UIMC1: variants seen among roughly 807,000 people sequenced by gnomAD.
UIMC1 encodes the protein BRCA1-A complex subunit RAP80.
Under a neutral mutation model 84.9 loss-of-function variants are expected in UIMC1, and 42 were observed. The observed-to-expected ratio is 0.49, with a 90% CI of 0.39 to 0.64. UIMC1 has a LOEUF of 0.64. Among genes scored for constraint, UIMC1 ranks in the 30% least tolerant of loss-of-function variants. The probability of loss-of-function intolerance (pLI) is 0.00; values close to 1 mark genes in which losing one functional copy is unlikely to be tolerated. For synonymous variants in UIMC1, 281 were observed against 293.0 expected (o/e 0.96, Z 0.42); for missense variants, 825 against 847.6 (o/e 0.97, Z 0.33).
At chr5:176,959,738 T>C (rs1323031565) in intron 6 of UIMC1, among the ~76,000 whole-genome samples, 1 of 118,110 alleles carries the variant, frequency 8.5e-6, no homozygotes, top group Non-Finnish European at 1.7e-5. Flanking sequence ...AAAAAAAAAA[T>C]TATTGTGCTT....
intron 9 of UIMC1, among the ~76,000 whole-genome samples, chr5:176,949,076 C>G (rs879660019): frequency 1.3e-5 from 2 of 151,502 alleles, no homozygotes; most frequent in Non-Finnish European, 2.9e-5. Context: ...AGTTAAAACT[C>G]CAGTTTTCCC....
At position 176,922,931 on chromosome 5, in the gene UIMC1, G is replaced by T. The variant is rs1460864122; in HGVS notation, c.1598-11542C>A. Among the ~76,000 whole-genome samples, 5 of 152,174 alleles carry T rather than the reference G, an allele frequency of 3.3e-5. No homozygotes were observed. In the East Asian group the frequency reaches 9.6e-4, roughly 29 times the overall value. On this transcript the variant is annotated intron_variant, in intron 10 of 14. Transcript: ENST00000511320. The stretch of plus-strand genomic sequence containing the variant: ...AAAATCGCTACATTTTGAGTAGGCA[G>T]GGGGCCTCTGTGGCTTTTTTGCAGC...
At chr5:176,919,706 T>C (rs1761461290) in intron 10 of UIMC1, among the ~76,000 whole-genome samples, 1 of 152,300 alleles carries the variant, frequency 6.6e-6, no homozygotes, top group Admixed American at 6.5e-5. Context: ...GTTTTGCAAG[T>C]GGATATTCAG....
At chr5:176,944,261 G>C (rs891333090) in intron 9 of UIMC1, among the ~76,000 whole-genome samples, 1 of 152,204 alleles carries the variant, frequency 6.6e-6, no homozygotes, top group Admixed American at 6.5e-5. Flanking sequence ...TACTTAAGAA[G>C]CACCAAATAA....
chr5:177,011,286 TC>T (rs1775544039), upstream of UIMC1, among the ~76,000 whole-genome samples: 1 of 152,094 alleles, frequency 6.6e-6, no homozygotes, highest in East Asian at 1.9e-4. Flanking sequence ...ATACCAGTAG[TC>T]CCAGCTACTC....
intron 1 of UIMC1, among the ~76,000 whole-genome samples, chr5:177,014,876 T>C (rs1322022319): frequency 1.3e-5 from 2 of 152,146 alleles, no homozygotes; most frequent in African/African-American, 2.4e-5. Flanking sequence ...GGGTCTCTTA[T>C]ACCACGTGAC....
chr5:177,007,340 C>CAAAAAA (rs56871601), upstream of UIMC1, among the ~76,000 whole-genome samples: 6 of 58,404 alleles, frequency 1.0e-4, no homozygotes, highest in Non-Finnish European at 2.0e-4. Flanking sequence ...GACTCCGTCT[C>CAAAAAA]AAAAAAAAAA....
rs576611828 is a variant in UIMC1 at position 176,990,378 on chromosome 5, G to A, written c.-8-7755C>T. On this transcript the variant is annotated intron_variant, in intron 1 of 14. Coordinates refer to ENST00000511320, the MANE Select transcript of UIMC1 (RefSeq NM_001199298.2). ...AGTGCAAGCCCTCATCAGGCACCTT[G>A]ATCTTACATTTACCAGACTTCAGAA... Among the ~76,000 whole-genome samples the A allele has an allele frequency of 1.6e-3, 247 of 152,040 alleles. 1 individual carries two copies. Among genetic ancestry groups the A allele is most frequent in the African/African-American group, 5.7e-3 (237 of 41,436 alleles).
chr5:177,016,127 G>C (rs2149555259), intron 1 of UIMC1, among the ~76,000 whole-genome samples: 1 of 152,200 alleles, frequency 6.6e-6, no homozygotes, highest in African/African-American at 2.4e-5. Flanking sequence ...CACTTTGGGA[G>C]GCCAAGGTGG....
At chr5:177,021,936 G>C (rs11953984) in intron 1 of UIMC1, among the ~76,000 whole-genome samples, 14,953 of 152,202 alleles carry the variant, frequency 0.098, 1,541 homozygotes, top group African/African-American at 0.26. Context: ...ACAGGCGTGA[G>C]CCACCGCGCC....
At chr5:176,921,905 T>C (rs1168659667) in intron 10 of UIMC1, among the ~76,000 whole-genome samples, 4 of 152,188 alleles carry the variant, frequency 2.6e-5, no homozygotes, top group Non-Finnish European at 4.4e-5. Flanking sequence ...TCACCTCACA[T>C]GATCTGACCA....
intron 10 of UIMC1, among the ~76,000 whole-genome samples, chr5:176,912,474 G>GTTT (rs57570046): frequency 1.2e-4 from 15 of 130,140 alleles, no homozygotes; most frequent in Admixed American, 1.5e-4. Flanking sequence ...ACTGTTTTTT[G>GTTT]TTTTTTTTTT....
At chr5:177,000,206 G>A (rs530216294) in intron 1 of UIMC1, among the ~76,000 whole-genome samples, 20 of 152,200 alleles carry the variant, frequency 1.3e-4, no homozygotes, top group African/African-American at 3.9e-4. Flanking sequence ...CCGCCGCCTC[G>A]GCCTCCCAAA....
In UIMC1 at chr5:176,911,303, C is replaced by A; in HGVS notation, c.1676+8G>T. On this transcript the variant is annotated splice_region_variant and intron_variant, in intron 11 of 14. Transcript: ENST00000511320. The stretch of plus-strand genomic sequence containing the variant: ...CAAGAGCTCCGTGAATGCAGCATAC[C>A]TACTTACTTGTCAATGTCTAGAGAA... 6.3e-7 allele frequency: 1 copy of A among 1,591,990 alleles called. No homozygotes were observed. The highest frequency in any genetic ancestry group is 1.7e-5 in the Admixed American group (1 of 58,548).
At chr5:177,002,131 A>C (rs199857265) in intron 1 of UIMC1, 18 of 147,638 alleles carry the variant, frequency 1.2e-4, no homozygotes, top group Admixed American at 3.4e-4. Flanking sequence ...AAAAAAAAAA[A>C]CAAAAAAAAA....
intron 10 of UIMC1, among the ~76,000 whole-genome samples, chr5:176,921,350 T>C (rs1301321315): frequency 1.3e-5 from 2 of 152,192 alleles, no homozygotes; most frequent in Non-Finnish European, 1.5e-5. Flanking sequence ...TTTTCCCTCT[T>C]TTTTTAGATC....
At chr5:176,941,992 C>T (rs933011405) in intron 10 of UIMC1, among the ~76,000 whole-genome samples, 1 of 152,002 alleles carries the variant, frequency 6.6e-6, no homozygotes, top group Non-Finnish European at 1.5e-5. Flanking sequence ...TACAGGAGCC[C>T]GGCACCACGC....
Position 176,919,185 on chromosome 5 carries a change from G to A in UIMC1, c.1598-7796C>T, listed in dbSNP as rs960758483. ...TGGCAAGTACCTGGGAGGCTGAGGT[G>A]GGAGGATTGCTTGAGGTGGAGAGGC... On this transcript the variant is annotated intron_variant, in intron 10 of 14. Coordinates refer to ENST00000511320, the MANE Select transcript of UIMC1 (RefSeq NM_001199298.2). 5.0e-5 allele frequency: 20 copies of A among 403,228 alleles called. No individual in the cohort carries two copies. In the Admixed American group the frequency reaches 6.0e-4, roughly 12 times the overall value. 25.0% of individuals were successfully genotyped at this position (403,228 alleles called of 1,614,324 possible).
rs749495757 is a variant in UIMC1, at chr5:176,932,858, CTT to C, written c.1597+10475_1597+10476del. Among the ~76,000 whole-genome samples the C allele has an allele frequency of 9.6e-3, 1,025 of 106,580 alleles. 6 individuals carry two copies. Among genetic ancestry groups the C allele is most frequent in the South Asian group, 0.022 (70 of 3,112 alleles). 69.9% of individuals were successfully genotyped at this position (106,580 alleles called of 152,430 possible). ...CTTCATCCAGTCAGCAATAGCAATG[CTT>C]TTTTTTTTTTTTTTTTTTTTTACAG... On this transcript the variant is annotated intron_variant, in intron 10 of 14. Transcript: ENST00000511320.
Sources: allele counts gnomAD v4.1 joint callset (sites outside exome capture counted in the v4.1 genomes callset), GRCh38; gene constraint gnomAD v4.1.1; transcripts MANE v1.5; gene names NCBI Gene and HGNC (gene_info 2026-07-23, HGNC 2026-07-21).